Variants in CSGALNACT1 observed in about 807,000 individuals in gnomAD.
CSGALNACT1 encodes beta4GalNAcT-1.
Under a neutral mutation model 51.0 loss-of-function variants are expected in CSGALNACT1, and 52 were observed. The observed-to-expected ratio is 1.02, with a 90% CI of 0.82 to 1.29. The LOEUF is 1.29. Among genes scored for constraint, CSGALNACT1 ranks in the 50% most tolerant of loss-of-function variants. The pLI is 0.00. For missense variants in CSGALNACT1, 935 were observed against 679.2 expected, an observed-to-expected ratio of 1.38 and a Z score of -4.19; for synonymous variants, 341 against 254.4, an observed-to-expected ratio of 1.34 and a Z score of -3.24.
In CSGALNACT1 at chr8:19,716,612, CAAAAAAA is replaced by C. The variant is rs60464594; in HGVS notation, c.-297+41231_-297+41237del. 1.2e-3 allele frequency among the ~76,000 whole-genome samples: 49 copies of C among 41,994 alleles called. 1 individual carries two copies. Among genetic ancestry groups the C allele is most frequent in the East Asian group, 9.2e-3 (11 of 1,192 alleles). The allele number at this position is 41,994 out of a possible 152,430, so 27.5% of individuals were successfully genotyped here. ...GGCCAACATGGTAAAACCCTCTCTACAAAAAAAAAAAAAAAAAAAAAAAAAAAAAATT... is the reference window on the plus strand; with the variant it reads ...GGCCAACATGGTAAAACCCTCTCTACAAAAAAAAAAAAAAAAAAAAAAATT... On this transcript the variant is annotated intron_variant, in intron 1 of 1. Coordinates refer to the CSGALNACT1 transcript ENST00000517494.
In CSGALNACT1 at chr8:19,525,401, C is replaced by T. The variant is rs559515357; in HGVS notation, c.-296-19271G>A. 2.4e-4 allele frequency among the ~76,000 whole-genome samples: 36 copies of T among 151,406 alleles called. 1 individual carries two copies. Among genetic ancestry groups the T allele is most frequent in the Middle Eastern group, 6.8e-3 (2 of 292 alleles). On this transcript the variant is annotated intron_variant, in intron 3 of 9. Coordinates refer to ENST00000454498, the Ensembl canonical transcript of CSGALNACT1. ...GGCGGATCATTTGAGATCAGGAGTTCAAGACCAGCCTGGCTAACATGGTGA... is the reference window on the plus strand; with the variant it reads ...GGCGGATCATTTGAGATCAGGAGTTTAAGACCAGCCTGGCTAACATGGTGA...
At chr8:19,687,021 A>G (rs997154959), upstream of CSGALNACT1, among the ~76,000 whole-genome samples, 2 of 152,182 alleles carry the variant, frequency 1.3e-5, no homozygotes, top group Admixed American at 6.5e-5. Flanking sequence ...CACAAGCAAC[A>G]AAGATCTGTT....
chr8:19,457,565 T>G (rs1370198019), intron 5 of CSGALNACT1: 2 of 726,472 alleles, frequency 2.8e-6, no homozygotes, highest in Non-Finnish European at 4.2e-6. Context: ...GTGAGCAGAG[T>G]TCGTGCCACT....
intron 4 of CSGALNACT1, among the ~76,000 whole-genome samples, chr8:19,504,777 A>G (rs971905377): frequency 1.3e-5 from 2 of 152,182 alleles, no homozygotes; most frequent in African/African-American, 4.8e-5. Context: ...TAATGGGGTC[A>G]TTTCATGGGA....
At chr8:19,516,967 G>A (rs1427786685) in intron 3 of CSGALNACT1, among the ~76,000 whole-genome samples, 1 of 152,200 alleles carries the variant, frequency 6.6e-6, no homozygotes, top group Admixed American at 6.5e-5. Context: ...TCCCTACTTT[G>A]GCCATGACCC....
Position 19,757,115 on chromosome 8 carries a change from A to C in CSGALNACT1, c.-297+735T>G, listed in dbSNP as rs1477304050. On this transcript the variant is annotated intron_variant, in intron 1 of 1. Coordinates refer to the CSGALNACT1 transcript ENST00000517494. The surrounding 1 kb of genome is among the most constrained non-coding windows in gnomAD (Gnocchi z 4.0). ...GAGCTAGGCGCGCGGGGCTGTGGGG[A>C]TCTGCCGGCGCCACTGACGCCCCCG... is the stretch of plus-strand genomic sequence containing the variant. 6.7e-6 allele frequency: 1 copy of C among 149,566 alleles called. No individual in the cohort carries two copies. The highest frequency in any genetic ancestry group is 1.5e-5 in the Non-Finnish European group (1 of 67,116). The allele number at this position is 149,566 out of a possible 1,614,324, so 9.3% of individuals were successfully genotyped here.
At chr8:19,433,209 T>C (rs1367182302) in intron 6 of CSGALNACT1, among the ~76,000 whole-genome samples, 1 of 152,210 alleles carries the variant, frequency 6.6e-6, no homozygotes, top group African/African-American at 2.4e-5. Context: ...CCAGTAAGTC[T>C]CTCTGATTTC....
intron 5 of CSGALNACT1, among the ~76,000 whole-genome samples, chr8:19,451,937 T>C (rs1399088925): frequency 6.6e-6 from 1 of 152,162 alleles, no homozygotes; most frequent in Non-Finnish European, 1.5e-5. Context: ...ACCAACTGTA[T>C]GAGAGCAAAG....
chr8:19,444,707 A>G (rs1229667451), intron 5 of CSGALNACT1, among the ~76,000 whole-genome samples: 1 of 152,226 alleles, frequency 6.6e-6, no homozygotes, highest in East Asian at 1.9e-4. Context: ...GGTTGCTGGG[A>G]TAAATCCACA....
At chr8:19,551,422 C>A (rs754104897) in intron 3 of CSGALNACT1, among the ~76,000 whole-genome samples, 11 of 152,174 alleles carry the variant, frequency 7.2e-5, no homozygotes, top group Non-Finnish European at 1.5e-4. Flanking sequence ...CTGTGCAGAC[C>A]CGAAACTCCA....
At chr8:19,747,295 T>C (rs1277076332) in intron 1 of CSGALNACT1, among the ~76,000 whole-genome samples, 4 of 151,958 alleles carry the variant, frequency 2.6e-5, no homozygotes, top group Non-Finnish European at 5.9e-5. Flanking sequence ...TCATTTTCCA[T>C]TAGAACACCA....
chr8:19,449,103 G>T (rs1366670545), intron 5 of CSGALNACT1, among the ~76,000 whole-genome samples: 2 of 152,102 alleles, frequency 1.3e-5, no homozygotes, highest in Admixed American at 1.3e-4. Context: ...TCTCAATCAA[G>T]CAATTGGGAC....
chr8:19,672,723 AGCT>A (rs1290332041), intron 1 of CSGALNACT1, among the ~76,000 whole-genome samples: 1 of 149,110 alleles, frequency 6.7e-6, no homozygotes, highest in Non-Finnish European at 1.5e-5. Context: ...CATAGTATTT[AGCT>A]GCTGCTCTTA....
chr8:19,535,781 C>A (rs1243076873), intron 3 of CSGALNACT1, among the ~76,000 whole-genome samples: 1 of 152,066 alleles, frequency 6.6e-6, no homozygotes, highest in Non-Finnish European at 1.5e-5. Flanking sequence ...CTTCAACATC[C>A]ATTCACAATT....
chr8:19,724,953 C>A (rs947710054), intron 1 of CSGALNACT1, among the ~76,000 whole-genome samples: 1 of 152,168 alleles, frequency 6.6e-6, no homozygotes, highest in Non-Finnish European at 1.5e-5. Flanking sequence ...AGAGCTGCGC[C>A]CTCAGCATCT....
In CSGALNACT1 at chr8:19,653,797, T is replaced by TAA. The variant is rs111466105; in HGVS notation, c.-544+28674_-544+28675dup. On this transcript the variant is annotated intron_variant, in intron 1 of 9. Transcript: ENST00000332246. ...TGGGTGAATGAATGATACCTTGTCTTAAAAAAAAAAAAAATCTTCAGCTGT... is the reference window on the plus strand; with the variant it reads ...TGGGTGAATGAATGATACCTTGTCTTAAAAAAAAAAAAAAAATCTTCAGCTGT... Among the ~76,000 whole-genome samples the TAA allele has an allele frequency of 2.3e-3, 342 of 147,878 alleles. 1 individual carries two copies. Among genetic ancestry groups the TAA allele is most frequent in the Middle Eastern group, 3.5e-3 (1 of 286 alleles).
At position 19,506,138 on chromosome 8, in the gene CSGALNACT1, G is replaced by T; in HGVS notation, c.-296-8C>A. ...CCAACAGCAAGAGGGGACCTGGGAA[G>T]AAACACAAATGACATCAACACTTAA... On this transcript the variant is annotated splice_region_variant and splice_polypyrimidine_tract_variant and intron_variant, in intron 3 of 9. Transcript: ENST00000454498. 5.1e-6 allele frequency: 3 copies of T among 586,564 alleles called. No individual in the cohort carries two copies. Among genetic ancestry groups the T allele is most frequent in the Non-Finnish European group, 6.4e-6 (2 of 312,834 alleles). 36.3% of individuals were successfully genotyped at this position (586,564 alleles called of 1,614,324 possible).
intron 1 of CSGALNACT1, among the ~76,000 whole-genome samples, chr8:19,667,008 A>G (rs375656613): frequency 0.23 from 6,784 of 29,636 alleles, 661 homozygotes; most frequent in Middle Eastern, 0.39. Flanking sequence ...AGAAAGAAAG[A>G]AAGAAAGAAA....
At chr8:19,607,101 G>A (rs1263849395), upstream of CSGALNACT1, among the ~76,000 whole-genome samples, 1 of 151,742 alleles carries the variant, frequency 6.6e-6, no homozygotes, top group African/African-American at 2.4e-5. Flanking sequence ...TGTGCAGCGA[G>A]CTGAGAACGC....
Sources: allele counts gnomAD v4.1 joint callset (sites outside exome capture counted in the v4.1 genomes callset), GRCh38; gene constraint gnomAD v4.1.1; non-coding constraint Gnocchi (gnomAD v3.1); transcripts MANE v1.5; gene names NCBI Gene and HGNC (gene_info 2026-07-23, HGNC 2026-07-21).